Variants in MAP4K2 observed in about 807,000 individuals in gnomAD.
MAP4K2 encodes B lymphocyte serine/threonine protein kinase.
MAP4K2 carries 85 observed loss-of-function variants against 125.3 expected under a neutral mutation model. The observed-to-expected ratio is 0.68, with a 90% CI of 0.57 to 0.81. The LOEUF is 0.81. MAP4K2 is among the 40% of genes least tolerant of loss of function. MAP4K2 has a pLI of 0.00. For missense variants in MAP4K2, 923 were observed against 1,056.4 expected, an observed-to-expected ratio of 0.87 and a Z score of 1.75; for synonymous variants, 479 against 445.1, an observed-to-expected ratio of 1.08 and a Z score of -0.96.
chr11:64,797,772 C>A, intron 15 of MAP4K2, 108 bp from the exon 16 acceptor site: 2 of 1,068,018 alleles, frequency 1.9e-6, no homozygotes, highest in South Asian at 1.8e-5. Flanking sequence ...GTGGCGCAAT[C>A]GCGGCTCACT....
chr11:64,789,875 TG>T lies in MAP4K2; in HGVS notation c.2319+13del. 3 of 1,613,988 alleles carry T rather than the reference TG, an allele frequency of 1.9e-6. No homozygotes were observed. Among genetic ancestry groups the T allele is most frequent in the Non-Finnish European group, 2.5e-6 (3 of 1,179,978 alleles). On this transcript the variant is annotated intron_variant, in intron 30 of 31. Coordinates refer to ENST00000294066, the MANE Select transcript of MAP4K2 (RefSeq NM_004579.5). The stretch of plus-strand genomic sequence containing the variant: ...ACAAGGCAGGGGACAGCAAGGTCCC[TG>T]GGCCCCACTCACCTCATTGGTATCC...
chr11:64,799,710 C>T, intron 12 of MAP4K2, 27 bp from the exon 13 acceptor site: 3 of 1,594,662 alleles, frequency 1.9e-6, no homozygotes, highest in Non-Finnish European at 1.7e-6. Flanking sequence ...ACAGTGTGGA[C>T]ACACCTGGCA....
At chr11:64,802,727 GCA>G in intron 2 of MAP4K2, 74 bp from the exon 3 acceptor site, 3 of 1,504,682 alleles carry the variant, frequency 2.0e-6, no homozygotes, top group Non-Finnish European at 2.7e-6. Context: ...TGCAAAATGG[GCA>G]CAGAGTGCCT....
chr11:64,785,967 C>T lies in MAP4K2; in HGVS notation c.*3570G>A, dbSNP rs1030333280. On this transcript the variant is annotated 3_prime_UTR_variant, in exon 32 of 32. Coordinates refer to ENST00000294066, the MANE Select transcript of MAP4K2 (RefSeq NM_004579.5). Reference sequence around the variant, plus strand: ...ATGTGAGTTAGGAACTGAGTTATAACTTAAATACCCATGAACCTACCACCA... The same window carrying T: ...ATGTGAGTTAGGAACTGAGTTATAATTTAAATACCCATGAACCTACCACCA... The T allele has an allele frequency of 6.6e-6, 1 of 152,186 alleles. No homozygotes were observed. Among genetic ancestry groups the T allele is most frequent in the Admixed American group, 6.5e-5 (1 of 15,280 alleles). 9.4% of individuals were successfully genotyped at this position (152,186 alleles called of 1,614,324 possible). A position where few individuals can be genotyped will look rare whatever the true frequency, so the allele number is the denominator to read the frequency against.
At position 64,803,114 on chromosome 11, in the gene MAP4K2, C is replaced by T; in HGVS notation, c.36G>A (p.Pro12=). 6.3e-7 allele frequency: 1 copy of T among 1,589,184 alleles called. No individual in the cohort carries two copies. Among genetic ancestry groups the T allele is most frequent in the Non-Finnish European group, 8.5e-7 (1 of 1,174,514 alleles). The change falls in exon 1 of 32, where the codon CCG becomes CCA. Residue 12 remains proline, a synonymous_variant. Transcript: ENST00000294066. ...GCTGCAGCAGCTCGAAGCGGTCCCG[C>T]GGGTCCTGCAGCGACACATCCCGCA... is the stretch of plus-strand genomic sequence containing the variant. ...ALLRDVSLQD[P]RDRFELLQRV...
In MAP4K2 at chr11:64,789,910, G is replaced by A; in HGVS notation, c.2298C>T (p.Gly766=). 6.2e-7 allele frequency: 1 copy of A among 1,613,890 alleles called. No individual in the cohort carries two copies. The highest frequency in any genetic ancestry group is 8.5e-7 in the Non-Finnish European group (1 of 1,179,996). ...TCACCTCATTGGTATCCAGGCTTCGGCCTTGCATCCCATGGCTCCAGAAGG... is the reference window on the plus strand; with the variant it reads ...TCACCTCATTGGTATCCAGGCTTCGACCTTGCATCCCATGGCTCCAGAAGG... ...VLAFWSHGMQ[G]RSLDTNEVTQ... is the part of the protein sequence containing the mutation. Residue 766 remains glycine (G), a synonymous_variant, in exon 30 of 32, where the codon GGC becomes GGT. Coordinates refer to ENST00000294066, the MANE Select transcript of MAP4K2 (RefSeq NM_004579.5).
At position 64,785,237 on chromosome 11, in the gene MAP4K2, G is replaced by A. The variant is rs1049820035; in HGVS notation, c.*4300C>T. 3 of 152,228 alleles carry A rather than the reference G, an allele frequency of 2.0e-5. No homozygotes were observed. Among genetic ancestry groups the A allele is most frequent in the Non-Finnish European group, 4.4e-5 (3 of 68,058 alleles). The allele number at this position is 152,228 out of a possible 1,614,324, so 9.4% of individuals were successfully genotyped here. On this transcript the variant is annotated 3_prime_UTR_variant, in exon 32 of 32. Transcript: ENST00000294066. ...ATGGGAGGCAAGAAGCAGGAGGGTGGGCTTACCAAGGGCATGGGAAACTTT... is the reference window on the plus strand; with the variant it reads ...ATGGGAGGCAAGAAGCAGGAGGGTGAGCTTACCAAGGGCATGGGAAACTTT...
intron 9 of MAP4K2, 29 bp downstream of exon 9, chr11:64,800,871 G>A: frequency 6.2e-7 from 1 of 1,613,966 alleles, no homozygotes; most frequent in Non-Finnish European, 8.5e-7. Context: ...CAGATCAAGG[G>A]TCAGGTGAGG....
intron 15 of MAP4K2, among the ~76,000 whole-genome samples, chr11:64,797,948 G>A (rs962940092): frequency 1.4e-4 from 21 of 149,904 alleles, no homozygotes; most frequent in Admixed American, 2.7e-4. Context: ...CTTGTGATCC[G>A]CCCACCTCGG....
chr11:64,785,036 AT>A lies in MAP4K2; in HGVS notation c.*4500del, dbSNP rs1194481631. Reference sequence around the variant, plus strand: ...CCAAACAATGGAATACTACTTGGCAATAAAAAGGAATAAAATATTAATGCAT... The same window carrying A: ...CCAAACAATGGAATACTACTTGGCAAAAAAAGGAATAAAATATTAATGCAT... On this transcript the variant is annotated 3_prime_UTR_variant, in exon 32 of 32. Transcript: ENST00000294066. 5 of 152,268 alleles carry A rather than the reference AT, an allele frequency of 3.3e-5. No homozygotes were observed. Among genetic ancestry groups the A allele is most frequent in the African/African-American group, 1.2e-4 (5 of 41,474 alleles). 9.4% of individuals were successfully genotyped at this position (152,268 alleles called of 1,614,324 possible). A position where few individuals can be genotyped will look rare whatever the true frequency, so the allele number is the denominator to read the frequency against.
At chr11:64,801,969 A>G in intron 5 of MAP4K2, 97 bp downstream of exon 5, 1 of 1,339,496 alleles carries the variant, frequency 7.5e-7, no homozygotes, top group Admixed American at 2.2e-5. Flanking sequence ...GGCCAGCCCC[A>G]CCCGAGGCAC....
In MAP4K2 at chr11:64,791,979, G is replaced by C. The variant is rs570817578; in HGVS notation, c.2022C>G (p.Pro674=). The C allele has an allele frequency of 6.2e-7, 1 of 1,603,634 alleles. No individual in the cohort carries two copies. Among genetic ancestry groups the C allele is most frequent in the African/African-American group, 1.3e-5 (1 of 74,892 alleles). ...GGACATGGAACAGGACGCGGCAGCC[G>C]GGCCCCTCAGGCCCCTCGGCCCCAA... ...VCVGAEGPEG[P]GCRVLFHVLP... Residue 674 remains proline, a synonymous_variant, in exon 27 of 32, where the codon CCC becomes CCG. Transcript: ENST00000294066.
At position 64,796,522 on chromosome 11, in the gene MAP4K2, C is replaced by T. The variant is rs747288746; in HGVS notation, c.1604G>A (p.Cys535Tyr). 1.1e-5 allele frequency: 17 copies of T among 1,613,966 alleles called. No individual in the cohort carries two copies. Among genetic ancestry groups the T allele is most frequent in the Non-Finnish European group, 1.4e-5 (16 of 1,180,040 alleles). ...LISHRCSWLY[C>Y]VNNVLLSLSG... ...GAGTGACAGCAGCACGTTGTTCACG[C>T]AGTAGAGCCAGGAGCAGCGATGTGA... Residue 535 changes from cysteine (C) to tyrosine (Y), a missense_variant, in exon 23 of 32, where the codon TGC becomes TAC. By Grantham distance (194) the Cys-to-Tyr change is radical. Around this residue, in one of 2 missense-constraint regions of MAP4K2, gnomAD observed 833 missense variants for 911.4 expected, o/e 0.91. Coordinates refer to ENST00000294066, the MANE Select transcript of MAP4K2 (RefSeq NM_004579.5).
At position 64,789,248 on chromosome 11, in the gene MAP4K2, A is replaced by G; in HGVS notation, c.*289T>C. 1 of 486,796 alleles carries G rather than the reference A, an allele frequency of 2.1e-6. No homozygotes were observed. Among genetic ancestry groups the G allele is most frequent in the South Asian group, 2.4e-5 (1 of 41,758 alleles). 30.2% of individuals were successfully genotyped at this position (486,796 alleles called of 1,614,324 possible). A position where few individuals can be genotyped will look rare whatever the true frequency, so the allele number is the denominator to read the frequency against. On this transcript the variant is annotated 3_prime_UTR_variant, in exon 32 of 32. Coordinates refer to ENST00000294066, the MANE Select transcript of MAP4K2 (RefSeq NM_004579.5). ...AAGAGTAGAAAGGAAATGTGGAACA[A>G]AATGGAATGGATGGCCCAGGCCCAG...
At position 64,799,826 on chromosome 11, in the gene MAP4K2, A is replaced by C. The variant is rs1163848162; in HGVS notation, c.916-143T>G. The C allele has an allele frequency of 7.3e-6, 5 of 686,374 alleles. No homozygotes were observed. The African/African-American group carries it at 8.9e-5, about 12-fold the overall frequency. 42.5% of individuals were successfully genotyped at this position (686,374 alleles called of 1,614,324 possible). A position where few individuals can be genotyped will look rare whatever the true frequency, so the allele number is the denominator to read the frequency against. On this transcript the variant is annotated intron_variant, in intron 12 of 31. Coordinates refer to ENST00000294066, the MANE Select transcript of MAP4K2 (RefSeq NM_004579.5). Reference sequence around the variant, plus strand: ...GTAAAATAAAATGGAACCCCACTTCACAGATGAGAGAACCCACACAGAGCA... The same window carrying C: ...GTAAAATAAAATGGAACCCCACTTCCCAGATGAGAGAACCCACACAGAGCA...
At chr11:64,802,295 G>T in intron 4 of MAP4K2, 124 bp downstream of exon 4, 2 of 1,169,120 alleles carry the variant, frequency 1.7e-6, no homozygotes, top group Non-Finnish European at 2.5e-6. Context: ...TTCTCTCAAG[G>T]TCACACAGCC....
At chr11:64,798,768 C>G in intron 15 of MAP4K2, 26 bp downstream of exon 15, 2 of 1,613,028 alleles carry the variant, frequency 1.2e-6, no homozygotes, top group Non-Finnish European at 1.7e-6. Context: ...CTGCCACCCC[C>G]TGCAGCTTCC....
Position 64,797,115 on chromosome 11 carries a change from C to T in MAP4K2, c.1354G>A (p.Glu452Lys). 5 of 1,614,186 alleles carry T rather than the reference C, an allele frequency of 3.1e-6. No homozygotes were observed. The highest frequency in any genetic ancestry group is 4.2e-6 in the Non-Finnish European group (5 of 1,180,026). The stretch of plus-strand genomic sequence containing the variant: ...TAGCACCCTCTTACCTCAGGATCCT[C>T]CCGCTGCTTCATGGTGGCCCAGGCC... ...PTAWATMKQR[E>K]DPERSSCHGL... Residue 452 changes from glutamate (E) to lysine (K), a missense_variant, in exon 19 of 32, where the codon GAG becomes AAG. Coordinates refer to ENST00000294066, the MANE Select transcript of MAP4K2 (RefSeq NM_004579.5).
At chr11:64,799,757 C>T (rs114825979) in intron 12 of MAP4K2, 74 bp from the exon 13 acceptor site, 32 of 1,222,026 alleles carry the variant, frequency 2.6e-5, no homozygotes, top group Middle Eastern at 1.9e-4. Flanking sequence ...GAGCTTCACA[C>T]GCACCAGTGC....
Sources: allele counts gnomAD v4.1 joint callset (sites outside exome capture counted in the v4.1 genomes callset), GRCh38; gene constraint gnomAD v4.1.1; regional missense constraint gnomAD v4.1.1; transcripts MANE v1.5; gene names NCBI Gene and HGNC (gene_info 2026-07-23, HGNC 2026-07-21).